IL15RA: variants seen among roughly 807,000 people sequenced by gnomAD.
IL15RA encodes the protein interleukin-15 receptor subunit alpha.
In IL15RA, 26 loss-of-function variants were observed where a neutral mutation model predicts 24.2. The ratio of observed to expected loss-of-function variants is 1.07; its 90% confidence interval spans 0.79 to 1.49. The LOEUF (loss-of-function observed/expected upper bound fraction) is 1.49. Ranked by LOEUF, IL15RA falls within the 40% of genes most tolerant of loss-of-function variation. IL15RA has a pLI of 0.00. For missense variants in IL15RA, 354 were observed against 356.4 expected (o/e 0.99, Z 0.05); for synonymous variants, 166 against 157.6 (o/e 1.05, Z -0.40).
chr10:5,953,274 C>A lies in IL15RA; in HGVS notation c.693-68G>T, dbSNP rs2132243653. The A allele has an allele frequency of 8.8e-7, 1 of 1,131,410 alleles. No homozygotes were observed. Among genetic ancestry groups the A allele is most frequent in the East Asian group, 2.4e-5 (1 of 42,544 alleles). 70.1% of individuals were successfully genotyped at this position (1,131,410 alleles called of 1,614,324 possible). On this transcript the variant is annotated intron_variant, in intron 6 of 6. Transcript: ENST00000379977. This position sits in a 1 kb window ranked among gnomAD's most constrained non-coding sequence, Gnocchi z 5.3. The stretch of plus-strand genomic sequence containing the variant: ...TTGCCCTCAAATCAACAGACGCTTC[C>A]CACTGAGCATGTATGTCCAGCACTG...
intron 1 of IL15RA, among the ~76,000 whole-genome samples, chr10:5,974,675 G>A (rs1016278980): frequency 1.1e-4 from 16 of 152,092 alleles, no homozygotes; most frequent in South Asian, 2.1e-4. Context: ...TCAGGAGTTC[G>A]AGACCAGCCT....
At position 5,965,657 on chromosome 10, in the gene IL15RA, G is replaced by A. The variant is rs1836388347; in HGVS notation, c.283+488C>T. Among the ~76,000 whole-genome samples, 1 of 152,258 alleles carries A rather than the reference G, an allele frequency of 6.6e-6. No homozygotes were observed. The highest frequency in any genetic ancestry group is 2.4e-5 in the African/African-American group (1 of 41,460). On this transcript the variant is annotated intron_variant, in intron 2 of 6. Coordinates refer to ENST00000379977, the MANE Select transcript of IL15RA (RefSeq NM_002189.4). The surrounding 1 kb of genome is among the most constrained non-coding windows in gnomAD (Gnocchi z 5.8). The stretch of plus-strand genomic sequence containing the variant: ...CCAGGATTTAAACCCAGAATCCTGT[G>A]ACCCCAGCACCTGTGTGTTTCCAAC...
rs548881670 is a variant in IL15RA at position 5,967,111 on chromosome 10, C to T, written c.89-772G>A. 1.8e-4 allele frequency among the ~76,000 whole-genome samples: 27 copies of T among 152,292 alleles called. No individual in the cohort carries two copies. Among genetic ancestry groups the T allele is most frequent in the African/African-American group, 5.8e-4 (24 of 41,566 alleles). On this transcript the variant is annotated intron_variant, in intron 1 of 6. Coordinates refer to ENST00000379977, the MANE Select transcript of IL15RA (RefSeq NM_002189.4). The surrounding 1 kb of genome is among the most constrained non-coding windows in gnomAD (Gnocchi z 4.4). ...TTCTCCCACCTCCATCTCAAAAATC[C>T]ACTCCCTTGTGTGTGCACATGTGTG...
intron 5 of IL15RA, among the ~76,000 whole-genome samples, chr10:5,957,271 T>C (rs1331147520): frequency 6.6e-6 from 1 of 151,784 alleles, no homozygotes; most frequent in Non-Finnish European, 1.5e-5. Flanking sequence ...TACCTACAAC[T>C]TTTTCTTTCT....
downstream of IL15RA, chr10:5,949,068 G>T: frequency 2.8e-6 from 1 of 361,002 alleles, no homozygotes; most frequent in Non-Finnish European, 5.6e-6. This position sits in a 1 kb window ranked among gnomAD's most constrained non-coding sequence, Gnocchi z 4.4. Flanking sequence ...GGATTCACTG[G>T]GCTTAGCATC....
rs566891770 is a variant in IL15RA, at chr10:5,959,170, C to CTT, written c.616+582_616+583dup. 9.4e-5 allele frequency among the ~76,000 whole-genome samples: 13 copies of CTT among 138,242 alleles called. No individual in the cohort carries two copies. The highest frequency in any genetic ancestry group is 1.4e-4 in the Admixed American group (2 of 13,822). The allele number at this position is 138,242 out of a possible 152,430, so 90.7% of individuals were successfully genotyped here. A position where few individuals can be genotyped will look rare whatever the true frequency, so the allele number is the denominator to read the frequency against. On this transcript the variant is annotated intron_variant, in intron 5 of 6. Coordinates refer to ENST00000379977, the MANE Select transcript of IL15RA (RefSeq NM_002189.4). The surrounding 1 kb of genome is among the most constrained non-coding windows in gnomAD (Gnocchi z 4.1). ...GTTAACTTTTTTTCTTTTTCTTTTT[C>CTT]TTTTTTTTTTTTTTTAATAGAGATG...
chr10:5,975,273 T>C lies in IL15RA; in HGVS notation c.88+2132A>G, dbSNP rs1044888521. On this transcript the variant is annotated intron_variant, in intron 1 of 6. Coordinates refer to ENST00000379977, the MANE Select transcript of IL15RA (RefSeq NM_002189.4). The surrounding 1 kb of genome is among the most constrained non-coding windows in gnomAD (Gnocchi z 4.8). Reference sequence around the variant, plus strand: ...ATGGTAGAAACTAATGAACTACTTATACAAATTACAACATGGATAAATTCT... The same window carrying C: ...ATGGTAGAAACTAATGAACTACTTACACAAATTACAACATGGATAAATTCT... Among the ~76,000 whole-genome samples the C allele has an allele frequency of 5.9e-5, 9 of 152,222 alleles. No individual in the cohort carries two copies. The highest frequency in any genetic ancestry group is 1.9e-4 in the African/African-American group (8 of 41,458).
upstream of IL15RA, chr10:5,977,636 AGGTGCAAAGC>A: frequency 7.9e-7 from 1 of 1,261,410 alleles, no homozygotes; most frequent in African/African-American, 1.5e-5. Context: ...GGGCTCGGAG[AGGTGCAAAGC>A]GGTGACAGAT....
Position 5,963,907 on chromosome 10 carries a change from G to C in IL15RA, c.284-66C>G, listed in dbSNP as rs574546663. 6 of 988,604 alleles carry C rather than the reference G, an allele frequency of 6.1e-6. No individual in the cohort carries two copies. Among genetic ancestry groups the C allele is most frequent in the Non-Finnish European group, 8.9e-6 (6 of 674,356 alleles). 61.2% of individuals were successfully genotyped at this position (988,604 alleles called of 1,614,324 possible). A position where few individuals can be genotyped will look rare whatever the true frequency, so the allele number is the denominator to read the frequency against. On this transcript the variant is annotated intron_variant, in intron 2 of 6. Transcript: ENST00000379977. This position sits in a 1 kb window ranked among gnomAD's most constrained non-coding sequence, Gnocchi z 5.3. Reference sequence around the variant, plus strand: ...CTGGAACCTGGGCTGGCTTCAGAACGGGATACAAATAAAATATATCAACAC... The same window carrying C: ...CTGGAACCTGGGCTGGCTTCAGAACCGGATACAAATAAAATATATCAACAC...
rs1353633237 is a variant in IL15RA at position 5,965,383 on chromosome 10, C to T, written c.283+762G>A. Among the ~76,000 whole-genome samples, 1 of 152,276 alleles carries T rather than the reference C, an allele frequency of 6.6e-6. No individual in the cohort carries two copies. Among genetic ancestry groups the T allele is most frequent in the Non-Finnish European group, 1.5e-5 (1 of 68,056 alleles). On this transcript the variant is annotated intron_variant, in intron 2 of 6. Coordinates refer to ENST00000379977, the MANE Select transcript of IL15RA (RefSeq NM_002189.4). The surrounding 1 kb of genome is among the most constrained non-coding windows in gnomAD (Gnocchi z 5.8). ...TGATGGCTTCCAACATCCACCTTCTCATGGGAAATCCAAACATTTCTCACA... is the reference window on the plus strand; with the variant it reads ...TGATGGCTTCCAACATCCACCTTCTTATGGGAAATCCAAACATTTCTCACA...
intron 5 of IL15RA, 149 bp from the exon 6 acceptor site, chr10:5,956,603 C>T (rs571677636): frequency 1.5e-6 from 1 of 654,464 alleles, no homozygotes; most frequent in Non-Finnish European, 2.8e-6. Flanking sequence ...CCATGCAATT[C>T]CCCCGATTCT....
chr10:5,960,633 G>T lies in IL15RA; in HGVS notation c.383-66C>A. On this transcript the variant is annotated intron_variant, in intron 3 of 6. Transcript: ENST00000379977. This position sits in a 1 kb window ranked among gnomAD's most constrained non-coding sequence, Gnocchi z 5.1. ...ACTCCCCTCCTCTCAGCTGCAGCACGGGGTGATGTGGGAGCTGCCATAGTG... is the reference window on the plus strand; with the variant it reads ...ACTCCCCTCCTCTCAGCTGCAGCACTGGGTGATGTGGGAGCTGCCATAGTG... 1 of 1,361,610 alleles carries T rather than the reference G, an allele frequency of 7.3e-7. No homozygotes were observed. Among genetic ancestry groups the T allele is most frequent in the Non-Finnish European group, 1.0e-6 (1 of 967,098 alleles). The allele number at this position is 1,361,610 out of a possible 1,614,324, so 84.3% of individuals were successfully genotyped here.
In IL15RA at chr10:5,959,672, C is replaced by A; in HGVS notation, c.616+82G>T. 3 of 1,246,046 alleles carry A rather than the reference C, an allele frequency of 2.4e-6. No individual in the cohort carries two copies. In the South Asian group the frequency reaches 3.6e-5, roughly 15 times the overall value. 77.2% of individuals were successfully genotyped at this position (1,246,046 alleles called of 1,614,324 possible). On this transcript the variant is annotated intron_variant, in intron 5 of 6. Transcript: ENST00000379977. The surrounding 1 kb of genome is among the most constrained non-coding windows in gnomAD (Gnocchi z 4.1). ...TGCTGTCAGGGCTGTGCTGGGGCAG[C>A]GGGCCTGGGCCAGGACCACCCAGCA... is the stretch of plus-strand genomic sequence containing the variant.
rs1837073482 is a variant in IL15RA, at chr10:5,968,856, G to A, written c.89-2517C>T. ...CCTGAGTCTCACGCAGGCCTCGTGT[G>A]TCTGGACCTCATGGTTGAAGCTTTC... On this transcript the variant is annotated intron_variant, in intron 1 of 6. Coordinates refer to ENST00000379977, the MANE Select transcript of IL15RA (RefSeq NM_002189.4). The surrounding 1 kb of genome is among the most constrained non-coding windows in gnomAD (Gnocchi z 5.4). The A allele has an allele frequency of 4.9e-6, 5 of 1,023,364 alleles. No homozygotes were observed. The highest frequency in any genetic ancestry group is 1.6e-5 in the African/African-American group (1 of 63,106). The allele number at this position is 1,023,364 out of a possible 1,614,324, so 63.4% of individuals were successfully genotyped here. A position where few individuals can be genotyped will look rare whatever the true frequency, so the allele number is the denominator to read the frequency against.
In IL15RA at chr10:5,963,720, C is replaced by T. The variant is rs41309774; in HGVS notation, c.382+23G>A. ...GGTGTTGGGAGGGAATGAATGTCCT[C>T]GAGAAGTTTCTGACCTTCCTACCTT... is the stretch of plus-strand genomic sequence containing the variant. On this transcript the variant is annotated intron_variant, in intron 3 of 6. Coordinates refer to ENST00000379977, the MANE Select transcript of IL15RA (RefSeq NM_002189.4). The surrounding 1 kb of genome is among the most constrained non-coding windows in gnomAD (Gnocchi z 5.3). 2.0e-3 allele frequency: 2,852 copies of T among 1,459,116 alleles called. 49 individuals carry two copies. The African/African-American group carries it at 0.039, about 20-fold the overall frequency. The allele number at this position is 1,459,116 out of a possible 1,614,324, so 90.4% of individuals were successfully genotyped here.
Position 5,959,679 on chromosome 10 carries a change from G to A in IL15RA, c.616+75C>T. 1 of 1,382,020 alleles carries A rather than the reference G, an allele frequency of 7.2e-7. No homozygotes were observed. Among genetic ancestry groups the A allele is most frequent in the African/African-American group, 1.4e-5 (1 of 70,432 alleles). 85.6% of individuals were successfully genotyped at this position (1,382,020 alleles called of 1,614,324 possible). A position where few individuals can be genotyped will look rare whatever the true frequency, so the allele number is the denominator to read the frequency against. On this transcript the variant is annotated intron_variant, in intron 5 of 6. Coordinates refer to ENST00000379977, the MANE Select transcript of IL15RA (RefSeq NM_002189.4). The surrounding 1 kb of genome is among the most constrained non-coding windows in gnomAD (Gnocchi z 4.1). Reference sequence around the variant, plus strand: ...AGGGCTGTGCTGGGGCAGCGGGCCTGGGCCAGGACCACCCAGCACCCTGGG... The same window carrying A: ...AGGGCTGTGCTGGGGCAGCGGGCCTAGGCCAGGACCACCCAGCACCCTGGG...
At chr10:5,969,017 G>A in intron 1 of IL15RA, 1 of 1,519,760 alleles carries the variant, frequency 6.6e-7, no homozygotes, top group African/African-American at 1.4e-5. Context: ...CCTGAGCAAG[G>A]ACTAAGTGTA....
chr10:5,971,947 C>T lies in IL15RA; in HGVS notation c.88+5458G>A, dbSNP rs1055110218. ...GGAGTCTTGCAAGAGTTGAGGGCTA[C>T]AGGTTGAAGAGCAAATGAAAGGAAA... On this transcript the variant is annotated intron_variant, in intron 1 of 6. Transcript: ENST00000379977. The surrounding 1 kb of genome is among the most constrained non-coding windows in gnomAD (Gnocchi z 5.5). Among the ~76,000 whole-genome samples the T allele has an allele frequency of 6.6e-6, 1 of 152,144 alleles. No individual in the cohort carries two copies. The highest frequency in any genetic ancestry group is 2.4e-5 in the African/African-American group (1 of 41,428).
intron 6 of IL15RA, among the ~76,000 whole-genome samples, chr10:5,956,065 A>G (rs542940117): frequency 1.3e-5 from 2 of 151,956 alleles, no homozygotes; most frequent in South Asian, 2.1e-4. Flanking sequence ...CCCAGGTAGG[A>G]GTGCAGTGGC....
Sources: allele counts gnomAD v4.1 joint callset (sites outside exome capture counted in the v4.1 genomes callset), GRCh38; gene constraint gnomAD v4.1.1; non-coding constraint Gnocchi (gnomAD v3.1); transcripts MANE v1.5; gene names NCBI Gene and HGNC (gene_info 2026-07-23, HGNC 2026-07-21).